Variants in TMEM131L observed in about 807,000 individuals in gnomAD.
TMEM131L encodes transmembrane 131 like, also known as transmembrane protein 131-like.
TMEM131L carries 54 observed loss-of-function variants against 192.2 expected under a neutral mutation model. The observed-to-expected ratio is 0.28, with a 90% CI of 0.23 to 0.35. TMEM131L has a LOEUF of 0.35. TMEM131L is among the 10% of genes least tolerant of loss of function. TMEM131L has a pLI of 1.00. For missense variants in TMEM131L, 1,888 were observed against 1,972.9 expected (o/e 0.96, Z 0.82); for synonymous variants, 701 against 704.9 (o/e 0.99, Z 0.09).
chr4:153,584,969 T>G (rs577216452), intron 12 of TMEM131L, 38 bp downstream of exon 12: 76 of 1,385,052 alleles, frequency 5.5e-5, no homozygotes, highest in Middle Eastern at 5.3e-4. Flanking sequence ...CTTGTATGGT[T>G]GTTGTTGTTG....
chr4:153,595,596 T>G (rs1731375566), intron 19 of TMEM131L, among the ~76,000 whole-genome samples: 1 of 152,038 alleles, frequency 6.6e-6, no homozygotes, highest in Non-Finnish European at 1.5e-5. Flanking sequence ...AGTGATACAT[T>G]GCATTGTTTT....
chr4:153,518,788 T>C (rs1251020813), intron 3 of TMEM131L, among the ~76,000 whole-genome samples: 1 of 152,192 alleles, frequency 6.6e-6, no homozygotes, highest in Non-Finnish European at 1.5e-5. Context: ...TTCGGTGATA[T>C]CGAAACTGAC....
In TMEM131L at chr4:153,598,621, G is replaced by T; in HGVS notation, c.2155G>T (p.Val719Leu). ...CTTGACTGTTATTGACATGATTGGC[G>T]TGGAAGGATTTGGAGCAAGAGAGTT... ...NNLTVIDMIG[V>L]EGFGARELLK... The change falls in exon 21 of 35, where the codon GTG (valine) becomes TTG (leucine). Residue 719 changes from valine to leucine, a missense_variant. Val to Leu is a conservative substitution (Grantham distance 32). Coordinates refer to ENST00000409959, the MANE Select transcript of TMEM131L (RefSeq NM_001131007.2). 1 of 1,613,686 alleles carries T rather than the reference G, an allele frequency of 6.2e-7. No homozygotes were observed. Among genetic ancestry groups the T allele is most frequent in the African/African-American group, 1.3e-5 (1 of 74,920 alleles).
At chr4:153,534,183 A>G (rs1736134137) in intron 3 of TMEM131L, among the ~76,000 whole-genome samples, 1 of 152,246 alleles carries the variant, frequency 6.6e-6, no homozygotes, top group Non-Finnish European at 1.5e-5. Context: ...TTCTGTAAAT[A>G]CAAAACAGCA....
intron 3 of TMEM131L, among the ~76,000 whole-genome samples, chr4:153,479,491 G>A (rs1419919094): frequency 6.6e-6 from 1 of 152,142 alleles, no homozygotes; most frequent in South Asian, 2.1e-4. Flanking sequence ...CTGGCTCTCT[G>A]TATATATCTC....
At chr4:153,513,154 G>C (rs766272266) in intron 3 of TMEM131L, among the ~76,000 whole-genome samples, 1 of 152,198 alleles carries the variant, frequency 6.6e-6, no homozygotes, top group Non-Finnish European at 1.5e-5. Context: ...ATCTGGTTCT[G>C]TTCTAGCAGG....
intron 3 of TMEM131L, among the ~76,000 whole-genome samples, chr4:153,539,156 C>T (rs781019153): frequency 5.9e-5 from 9 of 152,192 alleles, no homozygotes; most frequent in Non-Finnish European, 1.0e-4. Flanking sequence ...GTTTAAGTCA[C>T]ATACCTCCCC....
At chr4:153,606,402 G>T (rs1732242217) in intron 25 of TMEM131L, among the ~76,000 whole-genome samples, 1 of 152,224 alleles carries the variant, frequency 6.6e-6, no homozygotes, top group Admixed American at 6.5e-5. Flanking sequence ...TGGCAGTGTG[G>T]TAGATGGATG....
At chr4:153,591,620 G>A (rs1004444786) in intron 17 of TMEM131L, among the ~76,000 whole-genome samples, 4 of 152,124 alleles carry the variant, frequency 2.6e-5, no homozygotes, top group African/African-American at 9.7e-5. Context: ...GTCCAGCTCC[G>A]GTGGCGGGAA....
At chr4:153,604,478 C>G (rs1040736915) in intron 25 of TMEM131L, 48 bp downstream of exon 25, 1 of 1,519,202 alleles carries the variant, frequency 6.6e-7, no homozygotes, top group African/African-American at 1.4e-5. Flanking sequence ...TGTACCCAGT[C>G]TGTTTTTAAT....
chr4:153,627,520 A>G (rs1733932485), intron 30 of TMEM131L, 85 bp from the exon 31 acceptor site: 3 of 995,702 alleles, frequency 3.0e-6, no homozygotes, highest in South Asian at 2.8e-5. Context: ...ATTGAGTGAA[A>G]ACTCAATCAG....
intron 3 of TMEM131L, among the ~76,000 whole-genome samples, chr4:153,546,710 C>A (rs1737202794): frequency 6.6e-6 from 1 of 152,186 alleles, no homozygotes; most frequent in South Asian, 2.1e-4. Flanking sequence ...GGCAGATCAC[C>A]TGAGGTCAGG....
At chr4:153,539,186 A>T (rs1736576656) in intron 3 of TMEM131L, among the ~76,000 whole-genome samples, 1 of 152,124 alleles carries the variant, frequency 6.6e-6, no homozygotes, top group South Asian at 2.1e-4. Flanking sequence ...GGGAGGCGGA[A>T]AAAAACCCAA....
At position 153,621,814 on chromosome 4, in the gene TMEM131L, T is replaced by C. The variant is rs771698744; in HGVS notation, c.3824T>C (p.Ile1275Thr). The part of the protein sequence containing the change: ...TREVCKADAE[I>T]ASSLPAAQRE... ...GAGGTTTGTAAAGCAGATGCCGAAATTGCAAGCAGTTTACCTGCTGCCCAG... is the reference window on the plus strand; with the variant it reads ...GAGGTTTGTAAAGCAGATGCCGAAACTGCAAGCAGTTTACCTGCTGCCCAG... The change falls in exon 28 of 35, where the codon ATT becomes ACT. Residue 1275 changes from isoleucine to threonine, a missense_variant. Physicochemically the swap from Ile to Thr is moderately conservative, Grantham distance 89 (BLOSUM62 -1). Transcript: ENST00000409959. 1.9e-6 allele frequency: 3 copies of C among 1,614,128 alleles called. No homozygotes were observed. The South Asian group carries it at 3.3e-5, about 18-fold the overall frequency.
rs1056665305 is a variant in TMEM131L, at chr4:153,502,175, C to T, written c.239+28287C>T. ...CCCGGGCCGGTCTCCAACACCTGGGCTCAAGCAGTCCTCCCACCTTGTCCT... is the reference window on the plus strand; with the variant it reads ...CCCGGGCCGGTCTCCAACACCTGGGTTCAAGCAGTCCTCCCACCTTGTCCT... On this transcript the variant is annotated intron_variant, in intron 3 of 34. Coordinates refer to ENST00000409959, the MANE Select transcript of TMEM131L (RefSeq NM_001131007.2). Among the ~76,000 whole-genome samples, 39 of 152,034 alleles carry T rather than the reference C, an allele frequency of 2.6e-4. 1 individual carries two copies. Among genetic ancestry groups the T allele is most frequent in the Non-Finnish European group, 5.3e-4 (36 of 68,014 alleles).
intron 3 of TMEM131L, among the ~76,000 whole-genome samples, chr4:153,533,768 A>C (rs964257670): frequency 3.3e-5 from 5 of 152,096 alleles, no homozygotes; most frequent in African/African-American, 1.2e-4. Context: ...TTTCCTTAGT[A>C]GGATCCTATG....
intron 3 of TMEM131L, among the ~76,000 whole-genome samples, chr4:153,489,775 C>T (rs1732637366): frequency 6.6e-6 from 1 of 151,996 alleles, no homozygotes; most frequent in African/African-American, 2.4e-5. Flanking sequence ...TGCGCCTGGC[C>T]CAATTTTTTT....
intron 3 of TMEM131L, among the ~76,000 whole-genome samples, chr4:153,548,411 TCTC>T (rs1425956273): frequency 4.3e-4 from 65 of 152,286 alleles, no homozygotes; most frequent in Non-Finnish European, 5.9e-5. Flanking sequence ...TTCATGCTAT[TCTC>T]CTGCCTCAGC....
chr4:153,601,460 A>C (rs1359392999), intron 21 of TMEM131L, among the ~76,000 whole-genome samples: 1 of 151,922 alleles, frequency 6.6e-6, no homozygotes, highest in Non-Finnish European at 1.5e-5. Flanking sequence ...CCAGGAGTTC[A>C]AGGCTGCAGT....
Sources: allele counts gnomAD v4.1 joint callset (sites outside exome capture counted in the v4.1 genomes callset), GRCh38; gene constraint gnomAD v4.1.1; transcripts MANE v1.5; gene names NCBI Gene and HGNC (gene_info 2026-07-23, HGNC 2026-07-21).